AZIN2: variants seen among roughly 807,000 people sequenced by gnomAD.
AZIN2 encodes ODC antizyme inhibitor-2.
In AZIN2, 28 loss-of-function variants were observed where a neutral mutation model predicts 47.8. The observed-to-expected ratio is 0.59, with a 90% confidence interval of 0.43 to 0.80. The LOEUF is 0.80. Among genes scored for constraint, AZIN2 ranks in the 30% least tolerant of loss-of-function variants. The probability of loss-of-function intolerance (pLI) is 0.00; values close to 1 mark genes in which losing one functional copy is unlikely to be tolerated. For synonymous variants in AZIN2, 221 were observed against 239.4 expected (o/e 0.92, Z 0.71); for missense variants, 535 against 582.5 (o/e 0.92, Z 0.84).
At chr1:33,149,735 G>A in the AZIN2 span, among the ~76,000 whole-genome samples, 1 of 152,234 alleles carries the variant, frequency 6.6e-6, no homozygotes, top group Admixed American at 6.5e-5. Flanking sequence ...GATTATAGGT[G>A]TGAGCCACTG....
In AZIN2 at chr1:33,121,954, G is replaced by C. The variant is rs147146893; in HGVS notation, c.*1772G>C. ...CAGGGGTGTCTCCCTTTTCCAGGTG[G>C]GATCTAGTTTTCGGTATCTTGACAA... On this transcript the variant is annotated 3_prime_UTR_variant, in exon 12 of 12. Coordinates refer to ENST00000294517, the MANE Select transcript of AZIN2 (RefSeq NM_052998.4). Among the ~76,000 whole-genome samples the C allele has an allele frequency of 1.3e-5, 2 of 152,226 alleles. No individual in the cohort carries two copies. Among genetic ancestry groups the C allele is most frequent in the African/African-American group, 2.4e-5 (1 of 41,544 alleles).
the AZIN2 span, among the ~76,000 whole-genome samples, chr1:33,161,510 C>T: frequency 1.3e-5 from 2 of 152,184 alleles, no homozygotes; most frequent in African/African-American, 4.8e-5. This position sits in a 1 kb window ranked among gnomAD's most constrained non-coding sequence, Gnocchi z 4.3. Context: ...CCCCGACGCG[C>T]GGCTGCTGGC....
the AZIN2 span, chr1:33,163,305 C>G: frequency 1.3e-5 from 2 of 152,164 alleles, no homozygotes; most frequent in African/African-American, 4.8e-5. Flanking sequence ...TCCCAAAGTG[C>G]TAGGATTACA....
At chr1:33,118,326 C>T in intron 11 of AZIN2, 1 of 494,176 alleles carries the variant, frequency 2.0e-6, no homozygotes, top group Non-Finnish European at 3.4e-6. Flanking sequence ...GAGGGAGGCA[C>T]AGAGAAGCAG....
the AZIN2 span, among the ~76,000 whole-genome samples, chr1:33,147,922 C>T: frequency 4.6e-5 from 7 of 152,316 alleles, no homozygotes; most frequent in South Asian, 1.2e-3. This position sits in a 1 kb window ranked among gnomAD's most constrained non-coding sequence, Gnocchi z 8.1. Context: ...GGTTAAGGTC[C>T]TTCCAGATAT....
chr1:33,144,539 C>CTGAT, the AZIN2 span, among the ~76,000 whole-genome samples: 1 of 152,242 alleles, frequency 6.6e-6, no homozygotes, highest in East Asian at 1.9e-4. Flanking sequence ...CTGGGCCCGA[C>CTGAT]TGATAGAACC....
At chr1:33,089,678 G>A (rs914720498) in intron 5 of AZIN2, among the ~76,000 whole-genome samples, 1 of 152,192 alleles carries the variant, frequency 6.6e-6, no homozygotes, top group Non-Finnish European at 1.5e-5. Context: ...CTGGTTGGCT[G>A]TGTCACCACA....
intron 8 of AZIN2, 96 bp from the exon 9 acceptor site, chr1:33,096,611 G>A: frequency 3.4e-6 from 5 of 1,476,548 alleles, no homozygotes; most frequent in Non-Finnish European, 4.7e-6. Context: ...GGAAATCAAA[G>A]CAGCTTTCAA....
chr1:33,130,838 T>G, the AZIN2 span, among the ~76,000 whole-genome samples: 2 of 152,122 alleles, frequency 1.3e-5, no homozygotes, highest in Non-Finnish European at 2.9e-5. Context: ...AGAACCTGAA[T>G]TGTGCAGTGG....
At chr1:33,145,772 G>T in the AZIN2 span, 2 of 445,056 alleles carry the variant, frequency 4.5e-6, no homozygotes, top group African/African-American at 2.0e-5. Context: ...CCTAGATGTG[G>T]ACTCCACCCT....
chr1:33,091,988 C>T lies in AZIN2; in HGVS notation c.280-62C>T, dbSNP rs1343367322. ...ATGACTTTGCCCTCATCTGTGCTTCCTTGGGCTCCGTGGGCTAGCAGGCCC... is the reference window on the plus strand; with the variant it reads ...ATGACTTTGCCCTCATCTGTGCTTCTTTGGGCTCCGTGGGCTAGCAGGCCC... On this transcript the variant is annotated intron_variant, in intron 5 of 11. Coordinates refer to ENST00000294517, the MANE Select transcript of AZIN2 (RefSeq NM_052998.4). The T allele has an allele frequency of 3.8e-6, 6 of 1,573,428 alleles. No individual in the cohort carries two copies. The East Asian group carries it at 1.3e-4, about 35-fold the overall frequency.
the AZIN2 span, chr1:33,145,997 A>G: frequency 2.2e-6 from 1 of 459,900 alleles, no homozygotes; most frequent in East Asian, 7.0e-5. Context: ...CAGGACATCT[A>G]TTGGCTGGCA....
chr1:33,087,951 C>G (rs4045854), intron 5 of AZIN2, among the ~76,000 whole-genome samples: 1,811 of 152,174 alleles, frequency 0.012, 19 homozygotes, highest in Non-Finnish European at 0.018. Context: ...CTGCATATTG[C>G]TCTCCATCCC....
the AZIN2 span, among the ~76,000 whole-genome samples, chr1:33,131,611 A>G: frequency 6.6e-6 from 1 of 152,130 alleles, no homozygotes; most frequent in Non-Finnish European, 1.5e-5. Context: ...AACATTTTGT[A>G]TGTTTAAAAG....
At chr1:33,116,474 T>C (rs1644546828) in intron 10 of AZIN2, among the ~76,000 whole-genome samples, 2 of 152,200 alleles carry the variant, frequency 1.3e-5, no homozygotes, top group Non-Finnish European at 2.9e-5. Flanking sequence ...TCATATCCTT[T>C]TTCTCCCCTT....
intron 8 of AZIN2, among the ~76,000 whole-genome samples, chr1:33,095,630 A>G (rs371315955): frequency 7.9e-5 from 12 of 152,326 alleles, no homozygotes; most frequent in African/African-American, 2.9e-4. Flanking sequence ...CAAGTATATT[A>G]CAGTTGACCT....
chr1:33,159,737 C>T, the AZIN2 span: 4 of 1,612,568 alleles, frequency 2.5e-6, no homozygotes, highest in Non-Finnish European at 3.4e-6. The surrounding 1 kb of genome is among the most constrained non-coding windows in gnomAD (Gnocchi z 4.2). Context: ...CGGTCGGTTT[C>T]AGCCAGCCGC....
At chr1:33,105,905 T>G (rs147278901) in intron 10 of AZIN2, among the ~76,000 whole-genome samples, 2,437 of 152,312 alleles carry the variant, frequency 0.016, 30 homozygotes, top group Non-Finnish European at 0.025. Flanking sequence ...GAAGAGAGAT[T>G]CTCCTTTTAT....
intron 5 of AZIN2, among the ~76,000 whole-genome samples, chr1:33,088,960 G>C (rs928398204): frequency 1.3e-5 from 2 of 152,098 alleles, no homozygotes; most frequent in African/African-American, 4.8e-5. Context: ...AAGCTCCATG[G>C]TCTCAGAGAC....
Sources: allele counts gnomAD v4.1 joint callset (sites outside exome capture counted in the v4.1 genomes callset), GRCh38; gene constraint gnomAD v4.1.1; non-coding constraint Gnocchi (gnomAD v3.1); transcripts MANE v1.5; gene names NCBI Gene and HGNC (gene_info 2026-07-23, HGNC 2026-07-21).